The following ECI2 variants were observed in gnomAD, a reference collection of about 807,000 sequenced individuals.
ECI2 encodes the protein D3,D2-enoyl-CoA isomerase.
A neutral mutation model predicts 38.4 loss-of-function variants in ECI2; 27 were observed. The observed-to-expected ratio is 0.70, with a 90% CI of 0.52 to 0.97. The LOEUF (loss-of-function observed/expected upper bound fraction) is 0.97. Ranked by LOEUF, ECI2 falls within the 50% of genes least tolerant of loss-of-function variation. The pLI is 0.00. For missense variants in ECI2, 470 were observed against 474.4 expected (o/e 0.99, Z 0.09); for synonymous variants, 168 against 172.0 (o/e 0.98, Z 0.18).
At chr6:4,130,108 A>G (rs746685422) in intron 4 of ECI2, 4 of 1,611,890 alleles carry the variant, frequency 2.5e-6, no homozygotes, top group East Asian at 2.2e-5. Flanking sequence ...AACATGTTTC[A>G]TTTATATTCA....
intron 7 of ECI2, among the ~76,000 whole-genome samples, chr6:4,123,167 T>C (rs1477193583): frequency 1.3e-5 from 2 of 152,122 alleles, no homozygotes; most frequent in South Asian, 2.1e-4. Flanking sequence ...TCCTTTATTT[T>C]ATTTATTTTT....
intron 6 of ECI2, 122 bp downstream of exon 6, chr6:4,126,013 C>T (rs1773130879): frequency 3.8e-6 from 3 of 791,024 alleles, no homozygotes; most frequent in Non-Finnish European, 6.4e-6. Context: ...ATATGCTTGT[C>T]CAAAGTCACA....
At chr6:4,132,386 T>A (rs957232478) in intron 2 of ECI2, among the ~76,000 whole-genome samples, 1 of 151,868 alleles carries the variant, frequency 6.6e-6, no homozygotes, top group Non-Finnish European at 1.5e-5. Context: ...CTGTATAACC[T>A]GAAGCCCCCA....
At chr6:4,126,040 C>T in intron 6 of ECI2, 95 bp downstream of exon 6, 1 of 962,592 alleles carries the variant, frequency 1.0e-6, no homozygotes, top group Non-Finnish European at 1.6e-6. Context: ...TGCACTGACA[C>T]AGAGAAGCAG....
intron 7 of ECI2, chr6:4,122,010 AG>A: frequency 6.2e-7 from 1 of 1,607,916 alleles, no homozygotes; most frequent in Non-Finnish European, 8.5e-7. Context: ...CAGGAAACTG[AG>A]AAACCTGCCA....
chr6:4,117,197 G>A (rs895940749), intron 9 of ECI2, 111 bp downstream of exon 9: 14 of 1,320,562 alleles, frequency 1.1e-5, no homozygotes, highest in Admixed American at 4.9e-5. Context: ...GTGCTTAGAG[G>A]TAACTAAAGA....
intron 7 of ECI2, among the ~76,000 whole-genome samples, chr6:4,120,433 A>G (rs910381807): frequency 2.0e-5 from 3 of 152,168 alleles, no homozygotes; most frequent in Non-Finnish European, 4.4e-5. Context: ...TATATCAAAC[A>G]TAGAAAAGGT....
intron 5 of ECI2, 74 bp downstream of exon 5, chr6:4,127,688 T>A (rs1300691428): frequency 1.3e-6 from 2 of 1,505,644 alleles, no homozygotes; most frequent in Non-Finnish European, 1.8e-6. Flanking sequence ...TAGAGCTTTT[T>A]AACTCAATTT....
rs775659179 is a variant in ECI2, at chr6:4,125,336, G to C, written c.709C>G (p.Pro237Ala). The C allele has an allele frequency of 6.2e-7, 1 of 1,614,128 alleles. No homozygotes were observed. The highest frequency in any genetic ancestry group is 2.2e-5 in the East Asian group (1 of 44,874). The change falls in exon 7 of 10, where the codon CCT becomes GCT. Residue 237 changes from proline to alanine, a missense_variant. Pro to Ala is a conservative substitution (Grantham distance 27, BLOSUM62 -1). Transcript: ENST00000380118. ...GGACCATTGACCACTGCAATCAGAG[G>C]CTTAGGAAAATCTATAAAACAGCCC... ...FVGCFIDFPK[P>A]LIAVVNGPAV...
rs752108872 is a variant in ECI2 at position 4,117,342 on chromosome 6, G to A, written c.995C>T (p.Thr332Ile). 1 of 1,613,618 alleles carries A rather than the reference G, an allele frequency of 6.2e-7. No individual in the cohort carries two copies. The highest frequency in any genetic ancestry group is 8.5e-7 in the Non-Finnish European group (1 of 1,179,834). ...AAGCTTTGCAAATGCCTTCAGCCTG[G>A]TCCAGACTTCTTTCTGAAAAGTGCT... ...PDSTFQKEVW[T>I]RLKAFAKLPP... Residue 332 changes from threonine to isoleucine, a missense_variant, in exon 9 of 10, where the codon ACC (threonine) becomes ATC (isoleucine). Coordinates refer to ENST00000380118, the MANE Select transcript of ECI2 (RefSeq NM_206836.3).
chr6:4,131,005 C>T, intron 2 of ECI2, 140 bp from the exon 3 acceptor site: 1 of 715,710 alleles, frequency 1.4e-6, no homozygotes, highest in Non-Finnish European at 2.2e-6. Flanking sequence ...CTGAATTTTC[C>T]CCTCCAGTCT....
rs1430674488 is a variant in ECI2 at position 4,119,370 on chromosome 6, CAGTGA to C, written c.796-100_796-96del. 13 of 950,646 alleles carry C rather than the reference CAGTGA, an allele frequency of 1.4e-5. No individual in the cohort carries two copies. The African/African-American group carries it at 2.1e-4, about 15-fold the overall frequency. The allele number at this position is 950,646 out of a possible 1,614,324, so 58.9% of individuals were successfully genotyped here. On this transcript the variant is annotated intron_variant, in intron 7 of 9. Transcript: ENST00000380118. ...GGGTTTCGCTCTTTTGCCCAGGCTG[CAGTGA>C]AGTGGCGCGATCTCGGCTCACTGCA...
chr6:4,123,742 G>A (rs922205875), intron 7 of ECI2, among the ~76,000 whole-genome samples: 1 of 151,726 alleles, frequency 6.6e-6, no homozygotes, highest in Admixed American at 6.6e-5. Flanking sequence ...CAACGCAGGC[G>A]AATCACTTGA....
chr6:4,117,681 G>T, intron 8 of ECI2: 1 of 433,084 alleles, frequency 2.3e-6, no homozygotes, highest in Non-Finnish European at 4.0e-6. Context: ...TATCGTTGTT[G>T]GAGGGGCAAG....
At chr6:4,126,589 G>C (rs943324003) in intron 5 of ECI2, among the ~76,000 whole-genome samples, 10 of 152,180 alleles carry the variant, frequency 6.6e-5, no homozygotes, top group Non-Finnish European at 1.3e-4. Flanking sequence ...GGGCTGGGAA[G>C]AACAGTTTAC....
At chr6:4,130,078 T>C (rs1015426251) in intron 4 of ECI2, 33 of 1,601,146 alleles carry the variant, frequency 2.1e-5, no homozygotes, top group East Asian at 4.5e-5. Context: ...AGATGGCTTC[T>C]ATGCAAATTC....
rs142020884 is a variant in ECI2 at position 4,133,623 on chromosome 6, T to C, written c.139A>G (p.Met47Val). 43 of 1,614,084 alleles carry C rather than the reference T, an allele frequency of 2.7e-5. No homozygotes were observed. The African/African-American group carries it at 2.8e-4, about 11-fold the overall frequency. Residue 47 changes from methionine (M) to valine (V), a missense_variant, in exon 2 of 10, where the codon ATG becomes GTG. Transcript: ENST00000380118. ...RASQKDFENSMNQVKLLKKDP... is the reference protein window; with the variant it reads ...RASQKDFENSVNQVKLLKKDP... ...TTTTTCAAGAGTTTCACTTGATTCA[T>C]TGAATTTTCAAAGTCCTTCTGACTG...
Position 4,130,513 on chromosome 6 carries a change from A to G in ECI2, c.360T>C (p.Pro120=), listed in dbSNP as rs752467433. 5.6e-6 allele frequency: 9 copies of G among 1,614,244 alleles called. No individual in the cohort carries two copies. In the Middle Eastern group the frequency reaches 4.9e-4, roughly 89 times the overall value. The change falls in exon 4 of 10, where the codon CCT becomes CCC. Residue 120 remains proline, a synonymous_variant. Coordinates refer to ENST00000380118, the MANE Select transcript of ECI2 (RefSeq NM_206836.3). ...CCACCTGACTAGAGGATTCCAATGA[A>G]GGACTCAAACTGGACACCAAATCCA... ...NYVDLVSSLS[P]SLESSSQVEP...
chr6:4,115,775 C>A lies in ECI2; in HGVS notation c.*99G>T. On this transcript the variant is annotated 3_prime_UTR_variant, in exon 10 of 10. Coordinates refer to ENST00000380118, the MANE Select transcript of ECI2 (RefSeq NM_206836.3). ...CATCATTGTAATTGATATTCTAGCA[C>A]TACAAAAGGCACAATGAAGCTTATT... is the stretch of plus-strand genomic sequence containing the variant. 1 of 1,483,768 alleles carries A rather than the reference C, an allele frequency of 6.7e-7. No individual in the cohort carries two copies. The highest frequency in any genetic ancestry group is 9.1e-7 in the Non-Finnish European group (1 of 1,093,298). 91.9% of individuals were successfully genotyped at this position (1,483,768 alleles called of 1,614,324 possible). A position where few individuals can be genotyped will look rare whatever the true frequency, so the allele number is the denominator to read the frequency against.
Sources: allele counts gnomAD v4.1 joint callset (sites outside exome capture counted in the v4.1 genomes callset), GRCh38; gene constraint gnomAD v4.1.1; transcripts MANE v1.5; gene names NCBI Gene and HGNC (gene_info 2026-07-23, HGNC 2026-07-21).